The following CD109 variants were observed in gnomAD, a reference collection of about 807,000 sequenced individuals.
CD109 encodes CD109 molecule.
Under a neutral mutation model 165.8 loss-of-function variants are expected in CD109, and 149 were observed. That is an observed-to-expected ratio of 0.90 (90% CI 0.79 to 1.03). The LOEUF (loss-of-function observed/expected upper bound fraction) is 1.03, where lower values mean the gene tolerates loss of function less well. CD109 is among the 50% of genes least tolerant of loss of function. The probability of loss-of-function intolerance (pLI) is 0.00; values close to 1 mark genes in which losing one functional copy is unlikely to be tolerated. For synonymous variants in CD109, 585 were observed against 592.1 expected (o/e 0.99, Z 0.18); for missense variants, 1,712 against 1,677.8 (o/e 1.02, Z -0.36).
At position 73,697,547 on chromosome 6, in the gene CD109, G is replaced by A; in HGVS notation, c.222G>A (p.Leu74=). 1 of 1,613,864 alleles carries A rather than the reference G, an allele frequency of 6.2e-7. No individual in the cohort carries two copies. Among genetic ancestry groups the A allele is most frequent in the Non-Finnish European group, 8.5e-7 (1 of 1,179,886 alleles). Reference sequence around the variant, plus strand: ...CATCAAACCTCACTGTCTCTGTCCTGGAAGCAGAAGGAGTCTTTGAAAAAG... The same window carrying A: ...CATCAAACCTCACTGTCTCTGTCCTAGAAGCAGAAGGAGTCTTTGAAAAAG... ...KTASNLTVSV[L]EAEGVFEKGS... Residue 74 remains leucine, a synonymous_variant, in exon 2 of 33, where the codon CTG becomes CTA. Coordinates refer to ENST00000287097, the MANE Select transcript of CD109 (RefSeq NM_133493.5).
chr6:73,782,475 A>T, intron 17 of CD109, 139 bp from the exon 18 acceptor site: 1 of 733,586 alleles, frequency 1.4e-6, no homozygotes, highest in African/African-American at 1.7e-5. Context: ...TTTCACTGTA[A>T]CAGAAGGAAC....
chr6:73,739,533 A>T (rs1314836352), intron 5 of CD109, among the ~76,000 whole-genome samples: 1 of 152,188 alleles, frequency 6.6e-6, no homozygotes, highest in East Asian at 1.9e-4. Context: ...TATAAAACTC[A>T]GGGAAGGAAA....
intron 5 of CD109, among the ~76,000 whole-genome samples, chr6:73,747,652 G>T (rs1484562846): frequency 6.6e-6 from 1 of 151,990 alleles, no homozygotes; most frequent in African/African-American, 2.4e-5. Flanking sequence ...TCTGTATTTG[G>T]ATGTTTCAAA....
intron 5 of CD109, among the ~76,000 whole-genome samples, chr6:73,747,234 A>G (rs1310004111): frequency 2.0e-5 from 3 of 152,214 alleles, no homozygotes; most frequent in Non-Finnish European, 4.4e-5. Context: ...AAAATCTAAT[A>G]TGTTTAATTC....
chr6:73,742,525 T>A (rs952347679), intron 5 of CD109, among the ~76,000 whole-genome samples: 3 of 152,252 alleles, frequency 2.0e-5, no homozygotes, highest in African/African-American at 7.2e-5. Flanking sequence ...AGGAGGCATC[T>A]GGCCAGAGCA....
At chr6:73,779,922 T>A (rs1160906429) in intron 15 of CD109, among the ~76,000 whole-genome samples, 1 of 151,690 alleles carries the variant, frequency 6.6e-6, no homozygotes, top group African/African-American at 2.4e-5. Context: ...ATCTCATGGA[T>A]GTTGTCATTT....
intron 2 of CD109, among the ~76,000 whole-genome samples, chr6:73,704,937 T>C (rs1327050190): frequency 2.0e-5 from 3 of 152,212 alleles, no homozygotes; most frequent in Non-Finnish European, 4.4e-5. Flanking sequence ...TACTATTATC[T>C]TTTACTTCCA....
intron 22 of CD109, among the ~76,000 whole-genome samples, chr6:73,791,932 G>A (rs1020229291): frequency 6.6e-6 from 1 of 152,040 alleles, no homozygotes; most frequent in African/African-American, 2.4e-5. Flanking sequence ...TACATAGAAA[G>A]ATACTCTTAT....
intron 2 of CD109, among the ~76,000 whole-genome samples, chr6:73,700,790 GTTTTTTTTTTTTT>G (rs58140668): frequency 2.7e-4 from 14 of 51,448 alleles, no homozygotes; most frequent in Admixed American, 4.9e-4. Context: ...ATTGATTGTA[GTTTTTTTTTTTTT>G]TTTTTTTTTT....
At position 73,787,288 on chromosome 6, in the gene CD109, G is replaced by A. The variant is rs1169365803; in HGVS notation, c.2392G>A (p.Glu798Lys). 1.2e-6 allele frequency: 2 copies of A among 1,613,958 alleles called. No individual in the cohort carries two copies. Among genetic ancestry groups the A allele is most frequent in the Non-Finnish European group, 1.7e-6 (2 of 1,179,894 alleles). The change falls in exon 21 of 33, where the codon GAA (glutamate) becomes AAA (lysine). Residue 798 changes from glutamate (E) to lysine (K), a missense_variant. Glu to Lys is a moderately conservative substitution (Grantham distance 56). Coordinates refer to ENST00000287097, the MANE Select transcript of CD109 (RefSeq NM_133493.5). ...ATTTGATATTCTAATGACTTCAAAT[G>A]AAATAAATGCCACAGGCCACCAGCA... is the stretch of plus-strand genomic sequence containing the variant. ...DKFDILMTSNEINATGHQQTL... is the reference protein window; with the variant it reads ...DKFDILMTSNKINATGHQQTL...
At chr6:73,712,687 G>A (rs1771583435) in intron 2 of CD109, among the ~76,000 whole-genome samples, 1 of 152,176 alleles carries the variant, frequency 6.6e-6, no homozygotes, top group Non-Finnish European at 1.5e-5. Context: ...GACTCTATTT[G>A]TAAATCAAAT....
intron 3 of CD109, among the ~76,000 whole-genome samples, chr6:73,729,491 GTTATTATTA>G (rs144709719): frequency 0.056 from 7,906 of 141,984 alleles, 606 homozygotes; most frequent in African/African-American, 0.18. Context: ...GACTTCTATT[GTTATTATTA>G]TTATTATTAT....
chr6:73,797,015 C>T (rs1275126715), intron 23 of CD109, among the ~76,000 whole-genome samples: 2 of 152,190 alleles, frequency 1.3e-5, no homozygotes, highest in Admixed American at 1.3e-4. Flanking sequence ...TTTGCCATCA[C>T]ATTTGCCAAA....
At position 73,818,400 on chromosome 6, in the gene CD109, G is replaced by T. The variant is rs888472256; in HGVS notation, c.3924G>T (p.Pro1308=). ...CTCTTTGATTTAGCTTTTCGGGCCC[G>T]GGTAGGAGTGGCATGGCTCTTATGG... ...DLNVCTSFSG[P]GRSGMALMEV... is the part of the protein sequence containing the mutation. Residue 1308 remains proline (P), a synonymous_variant, in exon 31 of 33, where the codon CCG becomes CCT. Transcript: ENST00000287097. The T allele has an allele frequency of 2.5e-6, 4 of 1,613,784 alleles. No homozygotes were observed. Among genetic ancestry groups the T allele is most frequent in the Admixed American group, 3.3e-5 (2 of 59,926 alleles).
chr6:73,734,476 T>C (rs751476983), intron 4 of CD109, among the ~76,000 whole-genome samples: 7 of 152,234 alleles, frequency 4.6e-5, no homozygotes, highest in African/African-American at 1.4e-4. Context: ...CAGCATATAT[T>C]TATTGGCTAT....
intron 1 of CD109, 97 bp from the exon 2 acceptor site, chr6:73,697,303 T>G: frequency 9.4e-7 from 1 of 1,066,358 alleles, no homozygotes; most frequent in Non-Finnish European, 1.4e-6. Flanking sequence ...ATTGGCGCAG[T>G]ATGGAGTGCC....
chr6:73,694,359 G>A (rs763387479), upstream of CD109: 5 of 152,170 alleles, frequency 3.3e-5, no homozygotes, highest in Admixed American at 6.5e-5. Flanking sequence ...TTCGACAAGT[G>A]TGTATTGTGG....
chr6:73,720,474 A>G (rs1157018053), intron 2 of CD109, among the ~76,000 whole-genome samples: 1 of 152,216 alleles, frequency 6.6e-6, no homozygotes, highest in African/African-American at 2.4e-5. Flanking sequence ...CATATTGTAT[A>G]CTTAAAAATT....
At chr6:73,700,507 T>G (rs889563485) in intron 2 of CD109, among the ~76,000 whole-genome samples, 1 of 152,146 alleles carries the variant, frequency 6.6e-6, no homozygotes, top group African/African-American at 2.4e-5. Context: ...AGTTTTGGAT[T>G]TCTTAGAAAT....
Sources: gnomAD v4.1 joint callset for allele counts (sites outside exome capture counted in the v4.1 genomes callset) on GRCh38, gnomAD v4.1.1 for gene constraint, MANE v1.5 for transcripts, NCBI Gene and HGNC (gene_info 2026-07-23, HGNC 2026-07-21) for gene names.